ARHGAP29: variants seen among roughly 807,000 people sequenced by gnomAD.
ARHGAP29 encodes the protein rho GTPase-activating protein 29.
ARHGAP29 carries 43 observed loss-of-function variants against 122.6 expected under a neutral mutation model. The ratio of observed to expected loss-of-function variants is 0.35; its 90% CI spans 0.27 to 0.45. ARHGAP29 has a LOEUF of 0.45. ARHGAP29 is among the 20% of genes least tolerant of loss of function. The pLI is 1.00. For missense variants in ARHGAP29, 1,303 were observed against 1,477.2 expected (o/e 0.88, Z 1.93); for synonymous variants, 506 against 497.1 (o/e 1.02, Z -0.24).
At chr1:94,213,203 A>G (rs1003505542) in intron 3 of ARHGAP29, among the ~76,000 whole-genome samples, 1 of 152,166 alleles carries the variant, frequency 6.6e-6, no homozygotes, top group African/African-American at 2.4e-5. Context: ...TTTCTGAGAC[A>G]GAGTCTCGCT....
chr1:94,208,563 A>T (rs574452662), intron 5 of ARHGAP29, among the ~76,000 whole-genome samples: 166 of 151,772 alleles, frequency 1.1e-3, no homozygotes, highest in Non-Finnish European at 2.0e-3. Context: ...GGGTTCGAGC[A>T]ATTCTCCTGC....
At chr1:94,234,315 AT>A (rs1653119040) in intron 1 of ARHGAP29, among the ~76,000 whole-genome samples, 1 of 152,206 alleles carries the variant, frequency 6.6e-6, no homozygotes, top group Admixed American at 6.5e-5. Context: ...GTTTCAATTA[AT>A]TTTTATAGAA....
At chr1:94,252,105 TGA>T (rs1351328068) in intron 1 of ARHGAP29, among the ~76,000 whole-genome samples, 1 of 152,234 alleles carries the variant, frequency 6.6e-6, no homozygotes, top group Non-Finnish European at 1.5e-5. Flanking sequence ...GTTAACATTT[TGA>T]GAGTTTTAAT....
At chr1:94,280,128 ATT>A in the ARHGAP29 span, among the ~76,000 whole-genome samples, 1 of 152,000 alleles carries the variant, frequency 6.6e-6, no homozygotes, top group African/African-American at 2.4e-5. Flanking sequence ...GGGAAATTAA[ATT>A]TCTTTACTTC....
Position 94,174,051 on chromosome 1 carries a change from C to A in ARHGAP29, c.3604G>T (p.Val1202Leu), listed in dbSNP as rs144585524. 81 of 1,614,200 alleles carry A rather than the reference C, an allele frequency of 5.0e-5. No homozygotes were observed. The East Asian group carries it at 9.8e-4, about 20-fold the overall frequency. The change falls in exon 23 of 23, where the codon GTG (valine) becomes TTG (leucine). Residue 1202 changes from valine (V) to leucine (L), a missense_variant. Val to Leu is a conservative substitution (Grantham distance 32). This residue lies in a region of ARHGAP29 where 620 missense variants were observed against 651.2 expected (regional missense o/e 0.95). Transcript: ENST00000260526. ...TCTGGGTCTGGCATTGACTTCACCA[C>A]GAGACCGTGGGGATCGTGATCTGTG... ...PGTDHDPHGL[V>L]VKSMPDPDKA...
chr1:94,169,441 G>A lies in ARHGAP29; in HGVS notation c.*4428C>T, dbSNP rs1648581231. Among the ~76,000 whole-genome samples, 1 of 151,980 alleles carries A rather than the reference G, an allele frequency of 6.6e-6. No individual in the cohort carries two copies. Among genetic ancestry groups the A allele is most frequent in the African/African-American group, 2.4e-5 (1 of 41,362 alleles). On this transcript the variant is annotated 3_prime_UTR_variant, in exon 23 of 23. Transcript: ENST00000260526. ...GCATGTCAAGAGGTTGAGGGAGGGA[G>A]GAAGAATGAACAAATTATTTAGGAT...
chr1:94,189,406 T>G, intron 13 of ARHGAP29, 54 bp from the exon 14 acceptor site: 1 of 1,497,936 alleles, frequency 6.7e-7, no homozygotes, highest in Non-Finnish European at 9.0e-7. Context: ...AGAATAATAA[T>G]CAGTTGATTT....
chr1:94,247,890 G>C (rs560875882), intron 1 of ARHGAP29: 1 of 164,988 alleles, frequency 6.1e-6, no homozygotes, highest in Non-Finnish European at 1.3e-5. Context: ...GGTCAGCTGC[G>C]CCCGGCCTGA....
At chr1:94,240,433 G>A (rs528582834), upstream of ARHGAP29, among the ~76,000 whole-genome samples, 10 of 152,202 alleles carry the variant, frequency 6.6e-5, no homozygotes, top group East Asian at 1.9e-3. Context: ...ACTTGATTTT[G>A]TTTGAAGTAA....
At chr1:94,192,943 T>A (rs1041456364) in intron 12 of ARHGAP29, 2 of 151,746 alleles carry the variant, frequency 1.3e-5, no homozygotes, top group African/African-American at 4.8e-5. Flanking sequence ...TCTCAACAAC[T>A]CGCAAGACAA....
chr1:94,179,742 A>G lies in ARHGAP29; in HGVS notation c.2463T>C (p.Leu821=). The change falls in exon 20 of 23, where the codon CTT becomes CTC. Residue 821 remains leucine (L), a synonymous_variant. Transcript: ENST00000260526. ...PASNFNSLHF[L]IVHLKRVVDH... ...ATTCTTACCGCTTTAGATGTACTATAAGGAAATGAAGACTGTTAAAATTTG... is the reference window on the plus strand; with the variant it reads ...ATTCTTACCGCTTTAGATGTACTATGAGGAAATGAAGACTGTTAAAATTTG... The G allele has an allele frequency of 6.2e-7, 1 of 1,609,462 alleles. No homozygotes were observed. Among genetic ancestry groups the G allele is most frequent in the Middle Eastern group, 1.7e-4 (1 of 6,036 alleles).
the ARHGAP29 span, among the ~76,000 whole-genome samples, chr1:94,294,286 G>A: frequency 6.5e-4 from 98 of 151,408 alleles, 4 homozygotes; most frequent in East Asian, 0.016. Context: ...ACACACACGC[G>A]CATATATTTA....
chr1:94,287,390 C>T, the ARHGAP29 span, among the ~76,000 whole-genome samples: 1 of 151,980 alleles, frequency 6.6e-6, no homozygotes, highest in Non-Finnish European at 1.5e-5. Context: ...CTCTGTCTTT[C>T]CTGCTATGAA....
chr1:94,294,631 C>G, the ARHGAP29 span, among the ~76,000 whole-genome samples: 1 of 152,028 alleles, frequency 6.6e-6, no homozygotes, highest in African/African-American at 2.4e-5. Flanking sequence ...AAATTTGGCC[C>G]CCAGACTTAG....
chr1:94,209,307 G>A lies in ARHGAP29; in HGVS notation c.384C>T (p.Leu128=), dbSNP rs1401479425. Reference sequence around the variant, plus strand: ...CAATAGAAGAAAACACTTCCTGGAAGAGATCGTTTTTGTTTTCTTCATTAA... The same window carrying A: ...CAATAGAAGAAAACACTTCCTGGAAAAGATCGTTTTTGTTTTCTTCATTAA... ...TEVNEENKND[L]FQEVFSSIET... The change falls in exon 4 of 23, where the codon CTC becomes CTT. Residue 128 remains leucine, a synonymous_variant. Transcript: ENST00000260526. The A allele has an allele frequency of 6.2e-7, 1 of 1,609,884 alleles. No homozygotes were observed. Among genetic ancestry groups the A allele is most frequent in the Non-Finnish European group, 8.5e-7 (1 of 1,178,962 alleles).
At chr1:94,260,455 A>AAG (rs1654517417) in intron 1 of ARHGAP29, among the ~76,000 whole-genome samples, 1 of 152,180 alleles carries the variant, frequency 6.6e-6, no homozygotes, top group South Asian at 2.1e-4. Context: ...TCCCATCCTC[A>AAG]GCTGATTCAA....
At chr1:94,196,729 G>A (rs925072778) in intron 12 of ARHGAP29, among the ~76,000 whole-genome samples, 4 of 152,090 alleles carry the variant, frequency 2.6e-5, no homozygotes, top group Admixed American at 1.3e-4. Context: ...GTATCAGGAA[G>A]ATATCCAGAA....
At chr1:94,292,261 G>C in the ARHGAP29 span, among the ~76,000 whole-genome samples, 27 of 152,146 alleles carry the variant, frequency 1.8e-4, no homozygotes, top group Non-Finnish European at 2.9e-5. Flanking sequence ...TGAAGCCTGT[G>C]TATGCTTCAC....
intron 2 of ARHGAP29, among the ~76,000 whole-genome samples, chr1:94,224,477 A>G (rs1176026073): frequency 1.3e-5 from 2 of 152,212 alleles, no homozygotes; most frequent in African/African-American, 4.8e-5. Context: ...CTAATGGCCT[A>G]AATGCCTACA....
Sources: allele counts gnomAD v4.1 joint callset (sites outside exome capture counted in the v4.1 genomes callset), GRCh38; gene constraint gnomAD v4.1.1; regional missense constraint gnomAD v4.1.1; transcripts MANE v1.5; gene names NCBI Gene and HGNC (gene_info 2026-07-23, HGNC 2026-07-21).